The following MYOF variants were observed in gnomAD, a reference collection of about 807,000 sequenced individuals.
MYOF encodes fer-1-like 3, myoferlin.
MYOF carries 244 observed loss-of-function variants against 284.2 expected under a neutral mutation model. The observed-to-expected ratio is 0.86, with a 90% confidence interval of 0.77 to 0.95. The LOEUF (loss-of-function observed/expected upper bound fraction) is 0.95, where lower values mean the gene tolerates loss of function less well. Ranked by LOEUF, MYOF falls within the 40% of genes least tolerant of loss-of-function variation. The probability of loss-of-function intolerance (pLI) is 0.00; values close to 1 mark genes in which losing one functional copy is unlikely to be tolerated. For missense variants in MYOF, 2,496 were observed against 2,560.6 expected (o/e 0.97, Z 0.54); for synonymous variants, 904 against 919.7 (o/e 0.98, Z 0.31).
At chr10:93,379,111 T>C (rs1273470612) in intron 21 of MYOF, among the ~76,000 whole-genome samples, 1 of 151,970 alleles carries the variant, frequency 6.6e-6, no homozygotes, top group Non-Finnish European at 1.5e-5. Context: ...AGACAGATAA[T>C]CACAGATATC....
chr10:93,427,769 T>C (rs1201459332), intron 4 of MYOF, among the ~76,000 whole-genome samples: 1 of 152,048 alleles, frequency 6.6e-6, no homozygotes, highest in African/African-American at 2.4e-5. Context: ...GAAGGAAACA[T>C]ACTAGTTCCT....
rs117438695 is a variant in MYOF at position 93,412,396 on chromosome 10, C to T, written c.434-2657G>A. On this transcript the variant is annotated intron_variant, in intron 5 of 53. Coordinates refer to ENST00000359263, the MANE Select transcript of MYOF (RefSeq NM_013451.4). ...GAAGAGACTTCAAAAGAAGGGCTTA[C>T]CTGCTGTCTCTCTTAGGGCACCTGG... 6.0e-3 allele frequency among the ~76,000 whole-genome samples: 917 copies of T among 152,292 alleles called. 6 individuals carry two copies. The highest frequency in any genetic ancestry group is 9.8e-3 in the Non-Finnish European group (664 of 68,016).
chr10:93,329,043 T>C, intron 44 of MYOF, 132 bp from the exon 45 acceptor site: 2 of 867,010 alleles, frequency 2.3e-6, no homozygotes, highest in Non-Finnish European at 3.4e-6. Flanking sequence ...ACACTCTGAC[T>C]TTGGCCTAGA....
intron 28 of MYOF, among the ~76,000 whole-genome samples, chr10:93,360,737 T>C (rs1845029459): frequency 6.6e-6 from 1 of 152,228 alleles, no homozygotes; most frequent in Admixed American, 6.5e-5. Context: ...CATTGCTGCA[T>C]AGGAAGACTT....
intron 5 of MYOF, among the ~76,000 whole-genome samples, chr10:93,419,483 A>C (rs1179227357): frequency 1.3e-5 from 2 of 152,162 alleles, no homozygotes; most frequent in East Asian, 3.9e-4. Context: ...CTTCTTAAAA[A>C]AAAATTTTTA....
chr10:93,384,646 G>GAA (rs74741758), intron 19 of MYOF, among the ~76,000 whole-genome samples: 4 of 142,696 alleles, frequency 2.8e-5, no homozygotes, highest in African/African-American at 7.9e-5. Context: ...CTCTGTCTCA[G>GAA]AAAAAAAAAA....
At chr10:93,322,958 G>A in intron 48 of MYOF, 120 bp downstream of exon 48, 1 of 972,386 alleles carries the variant, frequency 1.0e-6, no homozygotes, top group Non-Finnish European at 1.6e-6. Flanking sequence ...TCACATTAAT[G>A]AGATAAAATA....
intron 3 of MYOF, among the ~76,000 whole-genome samples, chr10:93,437,248 C>T (rs1352639368): frequency 6.6e-6 from 1 of 150,710 alleles, no homozygotes; most frequent in East Asian, 1.9e-4. Flanking sequence ...TGGTTAAGAG[C>T]CGCTTAAACT....
chr10:93,333,191 G>T lies in MYOF; in HGVS notation c.4811+30C>A, dbSNP rs569470202. The T allele has an allele frequency of 6.4e-6, 10 of 1,563,714 alleles. No individual in the cohort carries two copies. In the South Asian group the frequency reaches 1.1e-4, roughly 17 times the overall value. On this transcript the variant is annotated intron_variant, in intron 43 of 53. Transcript: ENST00000359263. ...ATGCATGTTCCGTGGAGAAATGAAG[G>T]CCAGAAAAACATTTAAGAATGTATA...
chr10:93,450,146 C>A (rs2134296291), intron 3 of MYOF, among the ~76,000 whole-genome samples: 1 of 152,256 alleles, frequency 6.6e-6, no homozygotes, highest in East Asian at 1.9e-4. Flanking sequence ...GTAATCCCAG[C>A]ACTTTGGGAA....
At chr10:93,455,658 A>AAAAC (rs2056728405) in intron 2 of MYOF, among the ~76,000 whole-genome samples, 1 of 152,326 alleles carries the variant, frequency 6.6e-6, no homozygotes, top group Admixed American at 6.5e-5. Flanking sequence ...CCCTATCTCA[A>AAAAC]AAACAAACAA....
At position 93,387,525 on chromosome 10, in the gene MYOF, C is replaced by T. The variant is rs539050882; in HGVS notation, c.1698+272G>A. ...AGGTGGCACCTACAGCTCTTGGTGC[C>T]AGCAAGAAGTGGCTGTTATGGCCAC... is the stretch of plus-strand genomic sequence containing the variant. On this transcript the variant is annotated intron_variant, in intron 19 of 53. Transcript: ENST00000359263. 3.4e-4 allele frequency among the ~76,000 whole-genome samples: 52 copies of T among 152,308 alleles called. 1 individual carries two copies. Among genetic ancestry groups the T allele is most frequent in the African/African-American group, 9.9e-4 (41 of 41,576 alleles).
intron 53 of MYOF, among the ~76,000 whole-genome samples, chr10:93,308,577 T>A (rs1842234940): frequency 7.7e-6 from 1 of 130,648 alleles, no homozygotes; most frequent in African/African-American, 2.8e-5. Context: ...AGAGTGAGAC[T>A]CTGTCTCAAA....
At position 93,310,591 on chromosome 10, in the gene MYOF, C is replaced by T. The variant is rs949082305; in HGVS notation, c.5942G>A (p.Arg1981Lys). The change falls in exon 52 of 54, where the codon AGG becomes AAG. Residue 1981 changes from arginine to lysine, a missense_variant. Arg to Lys is a conservative substitution (Grantham distance 26). This residue lies in a region of MYOF where 2,436 missense variants were observed against 2,480.7 expected (regional missense o/e 0.98). Coordinates refer to ENST00000359263, the MANE Select transcript of MYOF (RefSeq NM_013451.4). ...EILNEKEADERPAGKGRDEPN... is the reference protein window; with the variant it reads ...EILNEKEADEKPAGKGRDEPN... The stretch of plus-strand genomic sequence containing the variant: ...TTCGTCCCGCCCCTTCCCGGCTGGC[C>T]TCTCGTCGGCCTCCTTCTCGTTGAG... The T allele has an allele frequency of 1.2e-6, 2 of 1,614,078 alleles. No homozygotes were observed. The highest frequency in any genetic ancestry group is 1.7e-6 in the Non-Finnish European group (2 of 1,179,984).
Position 93,456,952 on chromosome 10 carries a change from A to T in MYOF, c.89-15T>A, listed in dbSNP as rs1236501769. 1 of 1,587,066 alleles carries T rather than the reference A, an allele frequency of 6.3e-7. No homozygotes were observed. Among genetic ancestry groups the T allele is most frequent in the Admixed American group, 1.7e-5 (1 of 58,602 alleles). On this transcript the variant is annotated splice_polypyrimidine_tract_variant and intron_variant, in intron 1 of 53. Transcript: ENST00000359263. ...CTTTTTCTCATCTGCAAAAGAGATAAAGGAAGAGACAGCAATCATTTATAA... is the reference window on the plus strand; with the variant it reads ...CTTTTTCTCATCTGCAAAAGAGATATAGGAAGAGACAGCAATCATTTATAA...
At chr10:93,441,875 A>G (rs900531171) in intron 3 of MYOF, among the ~76,000 whole-genome samples, 1 of 151,654 alleles carries the variant, frequency 6.6e-6, no homozygotes, top group Admixed American at 6.6e-5. Flanking sequence ...GAGTTAGTAC[A>G]TTTCACAACG....
intron 3 of MYOF, among the ~76,000 whole-genome samples, chr10:93,434,957 G>A (rs185776983): frequency 5.6e-4 from 86 of 152,234 alleles, no homozygotes; most frequent in African/African-American, 2.0e-3. Flanking sequence ...CACACAGCAC[G>A]AGTATTAAGG....
chr10:93,393,008 AC>A, intron 16 of MYOF, 53 bp from the exon 17 acceptor site: 3 of 1,492,428 alleles, frequency 2.0e-6, no homozygotes, highest in Non-Finnish European at 2.8e-6. Context: ...GCATTATAAA[AC>A]AGACATTGAA....
chr10:93,413,157 C>T (rs1052739493), intron 5 of MYOF, among the ~76,000 whole-genome samples: 4 of 152,108 alleles, frequency 2.6e-5, no homozygotes, highest in African/African-American at 4.8e-5. Flanking sequence ...CTTTGCAATG[C>T]TGGACTCTGG....
Sources: gnomAD v4.1 joint callset for allele counts (sites outside exome capture counted in the v4.1 genomes callset) on GRCh38, gnomAD v4.1.1 for gene constraint, gnomAD v4.1.1 regional missense constraint, MANE v1.5 for transcripts, NCBI Gene and HGNC (gene_info 2026-07-23, HGNC 2026-07-21) for gene names.